Variants in NRG3 observed in about 807,000 individuals in gnomAD.
NRG3 encodes the protein neuregulin 3.
Under a neutral mutation model 66.9 loss-of-function variants are expected in NRG3, and 31 were observed. The ratio of observed to expected loss-of-function variants is 0.46; its 90% CI spans 0.35 to 0.63. The LOEUF (loss-of-function observed/expected upper bound fraction) is 0.63, where lower values mean the gene tolerates loss of function less well. Ranked by LOEUF, NRG3 falls within the 20% of genes least tolerant of loss-of-function variation. NRG3 has a pLI of 0.00. For missense variants in NRG3, 910 were observed against 878.9 expected (o/e 1.04, Z -0.45); for synonymous variants, 393 against 359.4 (o/e 1.09, Z -1.06).
intron 2 of NRG3, among the ~76,000 whole-genome samples, chr10:82,525,041 C>A (rs1846556749): frequency 1.3e-5 from 2 of 151,864 alleles, no homozygotes. Flanking sequence ...CTATTCTTAT[C>A]ATGACAAACA....
intron 3 of NRG3, among the ~76,000 whole-genome samples, chr10:82,774,609 CTGTTA>C (rs1425511273): frequency 6.6e-6 from 1 of 151,684 alleles, no homozygotes; most frequent in Admixed American, 6.6e-5. Flanking sequence ...TCTGAGGCAT[CTGTTA>C]TAAGGTCTTC....
intron 2 of NRG3, among the ~76,000 whole-genome samples, chr10:82,495,725 G>A (rs56074369): frequency 1.3e-5 from 2 of 152,042 alleles, no homozygotes; most frequent in South Asian, 2.1e-4. Flanking sequence ...CAAAGGGTAA[G>A]CCTCATCAAA....
At chr10:82,637,810 A>T (rs1458672485) in intron 2 of NRG3, among the ~76,000 whole-genome samples, 1 of 152,176 alleles carries the variant, frequency 6.6e-6, no homozygotes, top group Non-Finnish European at 1.5e-5. Context: ...TTTGAATAGA[A>T]TCTGAAAATT....
chr10:81,886,606 G>C (rs949824597), intron 1 of NRG3, among the ~76,000 whole-genome samples: 4 of 152,018 alleles, frequency 2.6e-5, no homozygotes, highest in Non-Finnish European at 5.9e-5. Flanking sequence ...TTCATAAGAA[G>C]GACAACAGAT....
intron 1 of NRG3, among the ~76,000 whole-genome samples, chr10:82,157,648 C>T (rs1239479204): frequency 6.6e-6 from 1 of 151,354 alleles, no homozygotes; most frequent in Admixed American, 6.6e-5. Context: ...GGAATATTAG[C>T]TGGGAAGCAT....
At chr10:82,738,009 C>A (rs2058238620) in intron 2 of NRG3, among the ~76,000 whole-genome samples, 1 of 151,662 alleles carries the variant, frequency 6.6e-6, no homozygotes, top group South Asian at 2.1e-4. Context: ...TCAGACCTTG[C>A]CGGATAAAAT....
intron 1 of NRG3, among the ~76,000 whole-genome samples, chr10:81,938,099 G>A (rs1848054430): frequency 6.6e-6 from 1 of 152,058 alleles, no homozygotes; most frequent in Non-Finnish European, 1.5e-5. Flanking sequence ...TGCTCTGTAT[G>A]TCTTTCTTTA....
intron 1 of NRG3, among the ~76,000 whole-genome samples, chr10:82,152,799 C>G (rs1333388214): frequency 1.3e-5 from 2 of 151,052 alleles, no homozygotes; most frequent in African/African-American, 4.9e-5. Context: ...CTTCTTCCCC[C>G]ACCCTCCCCT....
chr10:82,665,133 C>T (rs1008942590), intron 2 of NRG3, among the ~76,000 whole-genome samples: 2 of 152,088 alleles, frequency 1.3e-5, no homozygotes, highest in Non-Finnish European at 2.9e-5. Flanking sequence ...TGCTCCATCC[C>T]GTTCCTGAAA....
chr10:82,612,469 C>T (rs1331723300), intron 2 of NRG3, among the ~76,000 whole-genome samples: 1 of 152,108 alleles, frequency 6.6e-6, no homozygotes, highest in Admixed American at 6.5e-5. Flanking sequence ...CCCAAAATAA[C>T]AATATTATAT....
At chr10:82,600,607 T>C (rs918925112) in intron 2 of NRG3, among the ~76,000 whole-genome samples, 9 of 152,014 alleles carry the variant, frequency 5.9e-5, no homozygotes, top group Non-Finnish European at 1.3e-4. Context: ...GTAGCTGAGA[T>C]TACAGGCATG....
At chr10:82,752,650 G>T (rs1188398419) in intron 3 of NRG3, among the ~76,000 whole-genome samples, 1 of 152,128 alleles carries the variant, frequency 6.6e-6, no homozygotes, top group Non-Finnish European at 1.5e-5. Context: ...TTCATATGTT[G>T]AAACATAATT....
At chr10:82,844,385 G>A (rs368148699) in intron 3 of NRG3, among the ~76,000 whole-genome samples, 1 of 152,132 alleles carries the variant, frequency 6.6e-6, no homozygotes, top group African/African-American at 2.4e-5. Context: ...GGCTAACCCC[G>A]GATGCCAAAA....
intron 1 of NRG3, among the ~76,000 whole-genome samples, chr10:81,931,921 G>C (rs77874834): frequency 0.021 from 3,131 of 152,248 alleles, 45 homozygotes; most frequent in Non-Finnish European, 0.03. Flanking sequence ...AAAAGAGTCT[G>C]AACTCTGGGC....
At chr10:82,867,984 A>G (rs1438914222) in intron 4 of NRG3, among the ~76,000 whole-genome samples, 1 of 152,162 alleles carries the variant, frequency 6.6e-6, no homozygotes, top group Non-Finnish European at 1.5e-5. Context: ...TTGCCCCACT[A>G]GTCTGTGGTG....
chr10:82,370,967 C>CAA (rs1244673685), intron 2 of NRG3, among the ~76,000 whole-genome samples: 2 of 152,078 alleles, frequency 1.3e-5, no homozygotes, highest in African/African-American at 4.8e-5. Context: ...CACACACACA[C>CAA]ACACACACAT....
intron 1 of NRG3, among the ~76,000 whole-genome samples, chr10:82,146,304 A>C (rs1311281860): frequency 6.6e-6 from 1 of 152,078 alleles, no homozygotes; most frequent in African/African-American, 2.4e-5. Context: ...TATTTGTCTT[A>C]CTCCAAATGT....
intron 7 of NRG3, among the ~76,000 whole-genome samples, chr10:82,975,125 C>A (rs1043743880): frequency 2.0e-5 from 3 of 152,194 alleles, no homozygotes; most frequent in Non-Finnish European, 2.9e-5. Context: ...GTTGCATTTA[C>A]AGAATATTTT....
chr10:82,061,854 C>CTCTCTCTA (rs1564782185), intron 1 of NRG3, among the ~76,000 whole-genome samples: 1 of 149,160 alleles, frequency 6.7e-6, no homozygotes, highest in Admixed American at 6.7e-5. Flanking sequence ...CTCTCTCTCT[C>CTCTCTCTA]TCTCTCTCAC....
Sources: gnomAD v4.1 joint callset for allele counts (sites outside exome capture counted in the v4.1 genomes callset) on GRCh38, gnomAD v4.1.1 for gene constraint, MANE v1.5 for transcripts, NCBI Gene and HGNC (gene_info 2026-07-23, HGNC 2026-07-21) for gene names.